DENND2B: variants seen among roughly 807,000 people sequenced by gnomAD.
DENND2B encodes DENN domain-containing protein 2B.
Under a neutral mutation model 116.0 loss-of-function variants are expected in DENND2B, and 32 were observed. The ratio of observed to expected loss-of-function variants is 0.28; its 90% confidence interval spans 0.21 to 0.37. The LOEUF is 0.37. DENND2B is among the 10% of genes least tolerant of loss of function. DENND2B has a pLI of 1.00. For missense variants in DENND2B, 1,276 were observed against 1,477.7 expected (o/e 0.86, Z 2.24); for synonymous variants, 588 against 583.9 (o/e 1.01, Z -0.10).
chr11:8,863,874 C>G (rs1305687525), intron 2 of DENND2B, among the ~76,000 whole-genome samples: 1 of 152,088 alleles, frequency 6.6e-6, no homozygotes, highest in East Asian at 1.9e-4. Flanking sequence ...TCCCCTGGGA[C>G]TTGGACCCAG....
chr11:8,817,560 G>A (rs896222983), intron 4 of DENND2B, among the ~76,000 whole-genome samples: 2 of 152,084 alleles, frequency 1.3e-5, no homozygotes, highest in Non-Finnish European at 2.9e-5. Flanking sequence ...TCTGAACTAG[G>A]GAAGTGTGGA....
At chr11:8,825,187 T>C (rs922707571) in intron 4 of DENND2B, among the ~76,000 whole-genome samples, 4 of 152,116 alleles carry the variant, frequency 2.6e-5, no homozygotes, top group Non-Finnish European at 5.9e-5. Flanking sequence ...CCAGCACCTA[T>C]ACTTTTTTGG....
chr11:8,817,317 A>G (rs1401852830), intron 4 of DENND2B, among the ~76,000 whole-genome samples: 1 of 152,166 alleles, frequency 6.6e-6, no homozygotes, highest in Non-Finnish European at 1.5e-5. Context: ...TGTCTTCCTC[A>G]AGATGGCAAT....
intron 4 of DENND2B, 80 bp from the exon 5 acceptor site, chr11:8,717,972 C>T (rs2045263727): frequency 1.3e-6 from 2 of 1,520,154 alleles, no homozygotes; most frequent in African/African-American, 2.8e-5. Flanking sequence ...AATAAACAAG[C>T]AGAATTCCTG....
chr11:8,799,999 G>A (rs1464350250), intron 1 of DENND2B, among the ~76,000 whole-genome samples: 1 of 151,092 alleles, frequency 6.6e-6, no homozygotes, highest in Non-Finnish European at 1.5e-5. Context: ...TGTCACCCAG[G>A]CTAGAGTGCA....
intron 1 of DENND2B, among the ~76,000 whole-genome samples, chr11:8,897,305 G>A (rs913440483): frequency 1.3e-5 from 2 of 151,876 alleles, no homozygotes; most frequent in African/African-American, 2.4e-5. Context: ...AAATTAAAAA[G>A]CATTTATAAA....
chr11:8,722,013 G>C (rs1300662048), intron 4 of DENND2B, among the ~76,000 whole-genome samples: 1 of 152,252 alleles, frequency 6.6e-6, no homozygotes, highest in Non-Finnish European at 1.5e-5. Flanking sequence ...GTCAGGCTCA[G>C]AATGCAAACA....
At chr11:8,718,735 A>C in intron 4 of DENND2B, 2 of 1,099,102 alleles carry the variant, frequency 1.8e-6, no homozygotes, top group Non-Finnish European at 2.2e-6. Flanking sequence ...AATCTCTGGC[A>C]GCGGGCATTG....
chr11:8,907,105 C>T (rs1339442878), intron 1 of DENND2B, among the ~76,000 whole-genome samples: 1 of 152,148 alleles, frequency 6.6e-6, no homozygotes, highest in Admixed American at 6.5e-5. Context: ...AATTAAAGAC[C>T]TCTTCCAACG....
At chr11:8,843,428 G>T (rs112855048) in intron 3 of DENND2B, among the ~76,000 whole-genome samples, 1 of 152,134 alleles carries the variant, frequency 6.6e-6, no homozygotes, top group African/African-American at 2.4e-5. Context: ...ACCTGCAAGA[G>T]GAACAGACTC....
intron 4 of DENND2B, among the ~76,000 whole-genome samples, chr11:8,836,470 G>A (rs1294581514): frequency 6.9e-6 from 1 of 144,594 alleles, no homozygotes; most frequent in Non-Finnish European, 1.5e-5. Context: ...CGCCCAGGCT[G>A]GAGTGCAGTG....
Position 8,712,200 on chromosome 11 carries a change from A to T in DENND2B, c.2172+351T>A, listed in dbSNP as rs1400884541. Reference sequence around the variant, plus strand: ...CAGAGTTTCTCTTTGGGGTGATAAAAATGTTCTAAAATTGACTGTGGTGAT... The same window carrying T: ...CAGAGTTTCTCTTTGGGGTGATAAATATGTTCTAAAATTGACTGTGGTGAT... On this transcript the variant is annotated intron_variant, in intron 9 of 19. Coordinates refer to ENST00000313726, the MANE Select transcript of DENND2B (RefSeq NM_213618.2). This position sits in a 1 kb window ranked among gnomAD's most constrained non-coding sequence, Gnocchi z 4.4. 6.6e-6 allele frequency among the ~76,000 whole-genome samples: 1 copy of T among 152,180 alleles called. No individual in the cohort carries two copies. The highest frequency in any genetic ancestry group is 2.4e-5 in the African/African-American group (1 of 41,436).
At chr11:8,721,629 A>G (rs1357047609) in intron 4 of DENND2B, among the ~76,000 whole-genome samples, 2 of 152,178 alleles carry the variant, frequency 1.3e-5, no homozygotes. Context: ...TGGGGCCTCT[A>G]AGGGGCTGGC....
intron 1 of DENND2B, 108 bp downstream of exon 1, chr11:8,810,409 C>T (rs1565999778): frequency 6.6e-6 from 1 of 152,104 alleles, no homozygotes; most frequent in Non-Finnish European, 1.5e-5. Flanking sequence ...ATTCCTGAGC[C>T]CCAAACCCCG....
At chr11:8,819,272 T>C (rs1007268835) in intron 4 of DENND2B, among the ~76,000 whole-genome samples, 3 of 152,202 alleles carry the variant, frequency 2.0e-5, no homozygotes, top group Middle Eastern at 3.4e-3. Context: ...CACACAGCTG[T>C]AGGCCTGGCT....
intron 1 of DENND2B, among the ~76,000 whole-genome samples, chr11:8,769,208 C>A (rs1367730576): frequency 6.6e-6 from 1 of 151,640 alleles, no homozygotes; most frequent in Non-Finnish European, 1.5e-5. Flanking sequence ...ACAGTCTCCA[C>A]TGCCAAGGTA....
chr11:8,799,404 T>A (rs1207040277), intron 1 of DENND2B, among the ~76,000 whole-genome samples: 1 of 152,062 alleles, frequency 6.6e-6, no homozygotes, highest in Non-Finnish European at 1.5e-5. Flanking sequence ...AACTTCAGTA[T>A]TTTCTTTCCT....
chr11:8,828,872 G>A (rs1306221026), intron 4 of DENND2B, among the ~76,000 whole-genome samples: 1 of 152,184 alleles, frequency 6.6e-6, no homozygotes, highest in Non-Finnish European at 1.5e-5. Flanking sequence ...AGACAGGGAT[G>A]AGACAAGAAA....
At chr11:8,895,911 A>C (rs910255112) in intron 1 of DENND2B, among the ~76,000 whole-genome samples, 10 of 152,126 alleles carry the variant, frequency 6.6e-5, no homozygotes, top group African/African-American at 9.7e-5. Flanking sequence ...GGTATGAACC[A>C]CCATGACCGG....
Sources: allele counts gnomAD v4.1 joint callset (sites outside exome capture counted in the v4.1 genomes callset), GRCh38; gene constraint gnomAD v4.1.1; non-coding constraint Gnocchi (gnomAD v3.1); transcripts MANE v1.5; gene names NCBI Gene and HGNC (gene_info 2026-07-23, HGNC 2026-07-21).